The following RAB27A variants were observed in gnomAD, a reference collection of about 807,000 sequenced individuals.
RAB27A encodes the protein ras-related protein Rab-27A.
A neutral mutation model predicts 20.8 loss-of-function variants in RAB27A; 17 were observed. The observed-to-expected ratio is 0.82, with a 90% CI of 0.56 to 1.23. The LOEUF (loss-of-function observed/expected upper bound fraction) is 1.23, where lower values mean the gene tolerates loss of function less well. Among genes scored for constraint, RAB27A ranks in the 50% most tolerant of loss-of-function variants. The pLI, the probability that RAB27A is intolerant of heterozygous loss-of-function variation, is 0.00. For missense variants in RAB27A, 277 were observed against 266.7 expected (o/e 1.04, Z -0.27); for synonymous variants, 85 against 92.8 (o/e 0.92, Z 0.48).
At chr15:55,278,345 C>T (rs996231599) in intron 1 of RAB27A, among the ~76,000 whole-genome samples, 5 of 152,076 alleles carry the variant, frequency 3.3e-5, no homozygotes, top group South Asian at 2.1e-4. Context: ...TGTCAGTAGC[C>T]GCTTCTAAAC....
chr15:55,299,602 A>G (rs1264707951), intron 2 of RAB27A, among the ~76,000 whole-genome samples: 1 of 151,784 alleles, frequency 6.6e-6, no homozygotes, highest in African/African-American at 2.4e-5. Context: ...CAAAAAAAAA[A>G]AAAAAAAAAG....
intron 2 of RAB27A, among the ~76,000 whole-genome samples, chr15:55,313,382 C>T (rs1363302045): frequency 6.6e-6 from 1 of 152,168 alleles, no homozygotes; most frequent in Non-Finnish European, 1.5e-5. Flanking sequence ...GCCTGGGTGA[C>T]AGAGCGAGAC....
intron 2 of RAB27A, among the ~76,000 whole-genome samples, chr15:55,298,778 C>A (rs976171523): frequency 6.6e-6 from 1 of 152,180 alleles, no homozygotes. Context: ...TAGACCTATA[C>A]CCCCAGGTGC....
intron 2 of RAB27A, among the ~76,000 whole-genome samples, chr15:55,297,542 C>A (rs1466652882): frequency 3.3e-5 from 5 of 152,248 alleles, no homozygotes; most frequent in African/African-American, 1.2e-4. Flanking sequence ...GCACATTCTG[C>A]AGGCCATTCA....
intron 2 of RAB27A, among the ~76,000 whole-genome samples, chr15:55,241,003 C>CA (rs1555395401): frequency 6.6e-6 from 1 of 152,138 alleles, no homozygotes; most frequent in Non-Finnish European, 1.5e-5. Flanking sequence ...AGTGTATACA[C>CA]ACAAAGTTTG....
In RAB27A at chr15:55,301,406, C is replaced by G. The variant is rs75976931; in HGVS notation, c.-112+12633G>C. Among the ~76,000 whole-genome samples the G allele has an allele frequency of 4.1e-3, 620 of 152,150 alleles. 2 individuals carry two copies. The highest frequency in any genetic ancestry group is 7.4e-3 in the Non-Finnish European group (501 of 67,996). ...TTAACTGCAGCTGCTAGTTTGGATG[C>G]AGTATCATATTTTAATGACAGCTTT... is the stretch of plus-strand genomic sequence containing the variant. On this transcript the variant is annotated intron_variant, in intron 2 of 5. Transcript: ENST00000563262.
At chr15:55,307,479 G>A (rs1250105168) in intron 2 of RAB27A, among the ~76,000 whole-genome samples, 1 of 151,970 alleles carries the variant, frequency 6.6e-6, no homozygotes, top group Non-Finnish European at 1.5e-5. Flanking sequence ...GTGGCCTCTA[G>A]GTGCAGTGTA....
intron 1 of RAB27A, among the ~76,000 whole-genome samples, chr15:55,276,541 G>A (rs757014295): frequency 6.6e-6 from 1 of 152,092 alleles, no homozygotes; most frequent in Non-Finnish European, 1.5e-5. Flanking sequence ...CTGCACTCCA[G>A]CCCGGGCAGC....
At chr15:55,222,478 T>C (rs1159066163) in intron 6 of RAB27A, among the ~76,000 whole-genome samples, 1 of 152,176 alleles carries the variant, frequency 6.6e-6, no homozygotes. Context: ...TATAGACTGA[T>C]CTGGAAATGT....
chr15:55,224,400 T>A (rs1274619036), intron 5 of RAB27A, among the ~76,000 whole-genome samples: 2 of 152,262 alleles, frequency 1.3e-5, no homozygotes, highest in African/African-American at 4.8e-5. Context: ...AAACTGTTTT[T>A]ATGTGTTTTT....
chr15:55,249,576 C>T (rs568363875), intron 2 of RAB27A, among the ~76,000 whole-genome samples: 2 of 152,242 alleles, frequency 1.3e-5, no homozygotes, highest in East Asian at 1.9e-4. Flanking sequence ...CCACCATGCC[C>T]GGGCTGAATT....
At chr15:55,209,221 T>C (rs1894801245) in intron 6 of RAB27A, among the ~76,000 whole-genome samples, 1 of 152,206 alleles carries the variant, frequency 6.6e-6, no homozygotes, top group South Asian at 2.1e-4. Flanking sequence ...CTGATCCTTC[T>C]AACACTACAT....
intron 2 of RAB27A, among the ~76,000 whole-genome samples, chr15:55,268,711 A>G (rs1460557225): frequency 1.3e-5 from 2 of 152,230 alleles, no homozygotes; most frequent in Non-Finnish European, 2.9e-5. Flanking sequence ...AGCCCAGTCC[A>G]GGCACTGGGC....
At chr15:55,237,685 T>C (rs914965619) in intron 2 of RAB27A, among the ~76,000 whole-genome samples, 2 of 152,264 alleles carry the variant, frequency 1.3e-5, no homozygotes, top group South Asian at 2.1e-4. Flanking sequence ...CAAGTCCAGA[T>C]AATGTTGACT....
intron 6 of RAB27A, among the ~76,000 whole-genome samples, chr15:55,213,895 T>A (rs1001878095): frequency 6.6e-6 from 1 of 152,224 alleles, no homozygotes; most frequent in African/African-American, 2.4e-5. Flanking sequence ...AAATGTAATA[T>A]GTTTGAATCA....
At chr15:55,311,518 G>A (rs1208677907) in intron 2 of RAB27A, among the ~76,000 whole-genome samples, 2 of 152,064 alleles carry the variant, frequency 1.3e-5, no homozygotes, top group Non-Finnish European at 2.9e-5. Context: ...GCTGGGGTAG[G>A]GAGGTAGACT....
intron 1 of RAB27A, among the ~76,000 whole-genome samples, chr15:55,288,336 C>A (rs528714329): frequency 1.6e-4 from 24 of 152,140 alleles, no homozygotes; most frequent in African/African-American, 5.8e-4. Context: ...GCCTGGCCAA[C>A]ATAGCAAAAC....
chr15:55,218,033 C>G (rs1895396823), intron 6 of RAB27A, among the ~76,000 whole-genome samples: 1 of 152,194 alleles, frequency 6.6e-6, no homozygotes, highest in African/African-American at 2.4e-5. Flanking sequence ...ATCCTGATTT[C>G]TTTTCCATTA....
chr15:55,236,901 G>C (rs925343298), intron 2 of RAB27A, among the ~76,000 whole-genome samples: 2 of 151,972 alleles, frequency 1.3e-5, no homozygotes, highest in African/African-American at 4.8e-5. Flanking sequence ...ATACATTTTT[G>C]TTAACTATAG....
Sources: gnomAD v4.1 joint callset for allele counts (sites outside exome capture counted in the v4.1 genomes callset) on GRCh38, gnomAD v4.1.1 for gene constraint, MANE v1.5 for transcripts, NCBI Gene and HGNC (gene_info 2026-07-23, HGNC 2026-07-21) for gene names.